The following DCAF1 variants were observed in gnomAD, a reference collection of about 807,000 sequenced individuals.
DCAF1 encodes the protein DDB1 and CUL4 associated factor 1.
In DCAF1, 15 loss-of-function variants were observed where a neutral mutation model predicts 128.0. The ratio of observed to expected loss-of-function variants is 0.12; its 90% confidence interval spans 0.08 to 0.18. The LOEUF is 0.18. Among genes scored for constraint, DCAF1 ranks in the 10% least tolerant of loss-of-function variants. The probability of loss-of-function intolerance (pLI) is 1.00; values close to 1 mark genes in which losing one functional copy is unlikely to be tolerated. For synonymous variants in DCAF1, 610 were observed against 603.0 expected (o/e 1.01, Z -0.17); for missense variants, 988 against 1,649.5 (o/e 0.60, Z 6.95).
At chr3:51,458,045 T>A (rs1577212563) in intron 6 of DCAF1, among the ~76,000 whole-genome samples, 1 of 152,132 alleles carries the variant, frequency 6.6e-6, no homozygotes, top group African/African-American at 2.4e-5. Context: ...AATGACAGGA[T>A]CAAATTCACA....
chr3:51,437,562 T>G (rs2107641432), intron 9 of DCAF1, among the ~76,000 whole-genome samples: 1 of 152,284 alleles, frequency 6.6e-6, no homozygotes, highest in East Asian at 1.9e-4. Context: ...ACATCTGTAA[T>G]CCCAGCACTT....
chr3:51,441,045 T>A lies in DCAF1; in HGVS notation c.1053A>T (p.Gly351=). 6.2e-7 allele frequency: 1 copy of A among 1,612,352 alleles called. No homozygotes were observed. The highest frequency in any genetic ancestry group is 1.7e-5 in the Admixed American group (1 of 59,794). The change falls in exon 9 of 25, where the codon GGA becomes GGT. Residue 351 remains glycine (G), a synonymous_variant. Coordinates refer to ENST00000684031, the MANE Select transcript of DCAF1 (RefSeq NM_001387579.1). ...TATAGAACATCATCAGCTCCCGTGA[T>A]CCAAGTTGCATGAATATGGGAAGTA... ...QELLPIFMQL[G]SRELMMFYID... is the part of the protein sequence containing the mutation.
At chr3:51,436,934 G>C (rs1316669740) in intron 9 of DCAF1, among the ~76,000 whole-genome samples, 1 of 152,158 alleles carries the variant, frequency 6.6e-6, no homozygotes, top group Non-Finnish European at 1.5e-5. Flanking sequence ...TATGTATAGA[G>C]AAATAATAAA....
chr3:51,471,707 A>G (rs1704770762), intron 3 of DCAF1, among the ~76,000 whole-genome samples: 2 of 152,042 alleles, frequency 1.3e-5, no homozygotes, highest in Non-Finnish European at 2.9e-5. Flanking sequence ...GTCTCTACTA[A>G]AAATACAAAA....
intron 9 of DCAF1, chr3:51,437,266 C>CAAA (rs71633071): frequency 2.7e-3 from 697 of 255,880 alleles, no homozygotes; most frequent in East Asian, 7.6e-3. Flanking sequence ...GACTCCATGT[C>CAAA]AAAAAAAAAA....
intron 13 of DCAF1, among the ~76,000 whole-genome samples, chr3:51,424,402 C>CAAAAAAAAAAAAAA (rs560911942): frequency 9.9e-6 from 1 of 101,120 alleles, no homozygotes. Context: ...GACTCTGCCT[C>CAAAAAAAAAAAAAA]AAAAAAAAAA....
At chr3:51,455,958 C>T (rs1184562413) in intron 6 of DCAF1, among the ~76,000 whole-genome samples, 2 of 152,104 alleles carry the variant, frequency 1.3e-5, no homozygotes, top group Non-Finnish European at 2.9e-5. Flanking sequence ...GAACAGCTCC[C>T]GTCTACAGCT....
intron 20 of DCAF1, 32 bp from the exon 21 acceptor site, chr3:51,413,418 A>G: frequency 6.3e-7 from 1 of 1,593,720 alleles, no homozygotes; most frequent in Non-Finnish European, 8.6e-7. Flanking sequence ...AAACACTATT[A>G]GGAATCACAA....
chr3:51,460,658 C>T (rs1703447304), intron 6 of DCAF1, among the ~76,000 whole-genome samples: 1 of 152,154 alleles, frequency 6.6e-6, no homozygotes, highest in Non-Finnish European at 1.5e-5. Flanking sequence ...TGACTTCAAA[C>T]TATACTACAA....
chr3:51,403,947 CA>C (rs1160443125), intron 23 of DCAF1, among the ~76,000 whole-genome samples: 1 of 152,168 alleles, frequency 6.6e-6, no homozygotes, highest in Non-Finnish European at 1.5e-5. Context: ...AAATATAGAA[CA>C]CTAACAGAAA....
intron 9 of DCAF1, among the ~76,000 whole-genome samples, chr3:51,438,479 G>A (rs1423831378): frequency 6.6e-6 from 1 of 152,132 alleles, no homozygotes; most frequent in Non-Finnish European, 1.5e-5. Flanking sequence ...AACATTCTTA[G>A]GATACAAGTG....
intron 2 of DCAF1, among the ~76,000 whole-genome samples, chr3:51,491,566 T>G (rs1234444132): frequency 6.6e-6 from 1 of 151,798 alleles, no homozygotes; most frequent in Non-Finnish European, 1.5e-5. Context: ...TAAGTAGTGC[T>G]GCCCAGGTGC....
chr3:51,409,032 C>T (rs1553627586), intron 23 of DCAF1, among the ~76,000 whole-genome samples: 1 of 152,158 alleles, frequency 6.6e-6, no homozygotes, highest in African/African-American at 2.4e-5. Flanking sequence ...TGACCCTGCC[C>T]CTCTCACTCT....
chr3:51,441,976 A>G (rs1365506856), intron 7 of DCAF1, 79 bp from the exon 8 acceptor site: 1 of 1,503,232 alleles, frequency 6.7e-7, no homozygotes, highest in Non-Finnish European at 8.8e-7. Context: ...TTATTTCCAC[A>G]TAATAACTGG....
At chr3:51,439,656 T>G (rs782042471) in intron 9 of DCAF1, among the ~76,000 whole-genome samples, 1 of 152,048 alleles carries the variant, frequency 6.6e-6, no homozygotes, top group Non-Finnish European at 1.5e-5. Flanking sequence ...ATTTTGTTAA[T>G]CCTAGGTAAT....
At chr3:51,485,595 C>T (rs1706840351) in intron 2 of DCAF1, among the ~76,000 whole-genome samples, 1 of 152,218 alleles carries the variant, frequency 6.6e-6, no homozygotes, top group Non-Finnish European at 1.5e-5. Flanking sequence ...CGTATCTTCT[C>T]AGAAACAGCA....
Position 51,418,162 on chromosome 3 carries a change from G to A in DCAF1, c.3472C>T (p.Gln1158Ter). 1 of 1,612,746 alleles carries A rather than the reference G, an allele frequency of 6.2e-7. No individual in the cohort carries two copies. Among genetic ancestry groups the A allele is most frequent in the Non-Finnish European group, 8.5e-7 (1 of 1,179,454 alleles). Residue 1158 changes from glutamine to a stop codon, truncating the protein, a stop_gained, in exon 17 of 25, where the codon CAG becomes TAG. Transcript: ENST00000684031. LOFTEE classifies it high-confidence loss of function. ...SLLLTSATWS[Q>*]PLSALWGMKS... ...ATTCCCCAAAGTGCAGACAAAGGCT[G>A]GCTCCAAGTAGCAGATGTCAGCAGC...
chr3:51,474,234 C>A (rs955352304), intron 3 of DCAF1, among the ~76,000 whole-genome samples: 4 of 152,050 alleles, frequency 2.6e-5, no homozygotes, highest in Non-Finnish European at 5.9e-5. Flanking sequence ...GCCTGACCAA[C>A]ATGGAGAAAC....
chr3:51,495,401 A>T (rs1488224080), intron 2 of DCAF1, among the ~76,000 whole-genome samples: 1 of 152,142 alleles, frequency 6.6e-6, no homozygotes, highest in Non-Finnish European at 1.5e-5. Flanking sequence ...TAATCCCAGC[A>T]CTTTGGAAGG....
Sources: gnomAD v4.1 joint callset for allele counts (sites outside exome capture counted in the v4.1 genomes callset) on GRCh38, gnomAD v4.1.1 for gene constraint, MANE v1.5 for transcripts, NCBI Gene and HGNC (gene_info 2026-07-23, HGNC 2026-07-21) for gene names.